Variants in TTC29 observed in about 807,000 individuals in gnomAD.
The protein encoded by TTC29 is tetratricopeptide repeat protein 29.
In TTC29, 49 loss-of-function variants were observed where a neutral mutation model predicts 58.1. The ratio of observed to expected loss-of-function variants is 0.84; its 90% CI spans 0.67 to 1.07. The LOEUF (loss-of-function observed/expected upper bound fraction) is 1.07, where lower values mean the gene tolerates loss of function less well. TTC29 is among the 50% of genes least tolerant of loss of function. The pLI is 0.00. For missense variants in TTC29, 582 were observed against 555.6 expected (o/e 1.05, Z -0.48); for synonymous variants, 209 against 196.8 (o/e 1.06, Z -0.52).
At chr4:146,901,465 TG>T (rs1343538228) in intron 6 of TTC29, among the ~76,000 whole-genome samples, 1 of 152,238 alleles carries the variant, frequency 6.6e-6, no homozygotes, top group African/African-American at 2.4e-5. Flanking sequence ...TGTATTAATT[TG>T]GAATAAAATC....
intron 9 of TTC29, among the ~76,000 whole-genome samples, chr4:146,824,768 G>A (rs111358109): frequency 1.1e-4 from 17 of 152,038 alleles, no homozygotes; most frequent in Admixed American, 5.2e-4. Context: ...AATTACTGCC[G>A]CAATTTCAGA....
chr4:146,832,066 T>C (rs1728201870), intron 9 of TTC29, among the ~76,000 whole-genome samples: 1 of 152,128 alleles, frequency 6.6e-6, no homozygotes, highest in African/African-American at 2.4e-5. Context: ...CCAGCTTATC[T>C]CTCCAGTTAT....
intron 11 of TTC29, among the ~76,000 whole-genome samples, chr4:146,728,860 C>CACATATATATATATATATATACAT (rs1561066862): frequency 1.6e-5 from 1 of 62,026 alleles, no homozygotes; most frequent in South Asian, 7.1e-4. Context: ...TATATATACA[C>CACATATATATATATATATATACAT]ATATATATGT....
intron 11 of TTC29, among the ~76,000 whole-genome samples, chr4:146,728,523 G>A (rs957463802): frequency 3.3e-5 from 5 of 151,156 alleles, no homozygotes; most frequent in African/African-American, 7.3e-5. Context: ...TTGCCTGAAA[G>A]GTCTTCCCCA....
At chr4:146,816,423 G>C (rs925010133) in intron 10 of TTC29, among the ~76,000 whole-genome samples, 1 of 152,118 alleles carries the variant, frequency 6.6e-6, no homozygotes, top group Non-Finnish European at 1.5e-5. Context: ...GAAATGGGCA[G>C]GGAACCAGAG....
chr4:146,789,794 A>G (rs538724029), intron 11 of TTC29, among the ~76,000 whole-genome samples: 1 of 106,962 alleles, frequency 9.3e-6, no homozygotes, highest in East Asian at 2.9e-4. Context: ...GATTTTAATT[A>G]AAAAAAAAAG....
intron 11 of TTC29, among the ~76,000 whole-genome samples, chr4:146,715,188 C>T (rs530158269): frequency 1.4e-4 from 21 of 150,844 alleles, no homozygotes; most frequent in African/African-American, 3.2e-4. Flanking sequence ...TAAATTAGTA[C>T]AGCCATTATG....
At chr4:146,740,659 G>T (rs1373797972) in intron 11 of TTC29, among the ~76,000 whole-genome samples, 1 of 151,968 alleles carries the variant, frequency 6.6e-6, no homozygotes, top group Non-Finnish European at 1.5e-5. Flanking sequence ...CAGACTTAAA[G>T]TTCATTAAGG....
rs534731863 is a variant in TTC29 at position 146,878,547 on chromosome 4, ATG to A, written c.587-3621_587-3620del. On this transcript the variant is annotated intron_variant, in intron 6 of 12. Transcript: ENST00000325106. ...ATATGCTCCAGAGTTTTCATAAGTG[ATG>A]ATTAGGATTTAAACCCAAGGTCACC... Among the ~76,000 whole-genome samples the A allele has an allele frequency of 1.8e-4, 27 of 152,312 alleles. No individual in the cohort carries two copies. In the East Asian group the frequency reaches 5.0e-3, roughly 28 times the overall value.
At chr4:146,790,840 A>C (rs1047418668) in intron 11 of TTC29, among the ~76,000 whole-genome samples, 2 of 152,194 alleles carry the variant, frequency 1.3e-5, no homozygotes, top group Non-Finnish European at 2.9e-5. Context: ...AAGCTTCCTT[A>C]ATAGTTCTCA....
At chr4:146,909,382 A>G in intron 4 of TTC29, 133 bp from the exon 5 acceptor site, 1 of 703,508 alleles carries the variant, frequency 1.4e-6, no homozygotes. Flanking sequence ...AAAACTATCA[A>G]AAGATCTTTG....
chr4:146,888,408 T>C (rs532899584), intron 6 of TTC29, among the ~76,000 whole-genome samples: 1 of 152,282 alleles, frequency 6.6e-6, no homozygotes, highest in South Asian at 2.1e-4. Context: ...TTCTCACCCC[T>C]GCAGCCCTGG....
intron 8 of TTC29, among the ~76,000 whole-genome samples, chr4:146,862,073 T>C (rs575658618): frequency 6.6e-6 from 1 of 152,204 alleles, no homozygotes; most frequent in Admixed American, 6.5e-5. Flanking sequence ...CCATCAGTAG[T>C]GCTTTAAAAC....
chr4:146,890,049 T>C (rs900392225), intron 6 of TTC29, among the ~76,000 whole-genome samples: 1 of 152,150 alleles, frequency 6.6e-6, no homozygotes, highest in Non-Finnish European at 1.5e-5. Context: ...ATAACATCTT[T>C]GGTTACTTAA....
chr4:146,867,446 A>G (rs1730635392), intron 8 of TTC29, 52 bp downstream of exon 8: 3 of 902,610 alleles, frequency 3.3e-6, no homozygotes, highest in Admixed American at 3.4e-5. Context: ...AAAATAAAAT[A>G]AATATACTAA....
intron 9 of TTC29, among the ~76,000 whole-genome samples, chr4:146,823,484 C>T (rs377309545): frequency 6.6e-5 from 10 of 152,282 alleles, no homozygotes; most frequent in Admixed American, 5.2e-4. Context: ...GGTATGAGTA[C>T]CATGCTGTTT....
chr4:146,850,989 T>C (rs916360406), intron 8 of TTC29, among the ~76,000 whole-genome samples: 10 of 152,194 alleles, frequency 6.6e-5, no homozygotes, highest in Non-Finnish European at 7.4e-5. Context: ...CCATTGGAAT[T>C]TTCATCAATA....
chr4:146,915,105 C>T (rs1469048665), intron 4 of TTC29, among the ~76,000 whole-genome samples: 1 of 152,068 alleles, frequency 6.6e-6, no homozygotes, highest in Non-Finnish European at 1.5e-5. Flanking sequence ...AACCTGTCTT[C>T]AGTGAGGTTG....
chr4:146,803,419 A>T (rs1561139604), intron 11 of TTC29, 38 bp downstream of exon 11: 1 of 1,329,858 alleles, frequency 7.5e-7, no homozygotes, highest in East Asian at 2.5e-5. Flanking sequence ...ATTGAGAATG[A>T]TATGAAAACT....
Sources: allele counts gnomAD v4.1 joint callset (sites outside exome capture counted in the v4.1 genomes callset), GRCh38; gene constraint gnomAD v4.1.1; transcripts MANE v1.5; gene names NCBI Gene and HGNC (gene_info 2026-07-23, HGNC 2026-07-21).